Variants in MYLK4 observed in about 807,000 individuals in gnomAD.
MYLK4 encodes myosin light chain kinase family member 4, also known as caMLCK like.
In MYLK4, 46 loss-of-function variants were observed where a neutral mutation model predicts 48.1. That is an observed-to-expected ratio of 0.96 (90% CI 0.75 to 1.22). The LOEUF is 1.22. Ranked by LOEUF, MYLK4 falls within the 50% of genes most tolerant of loss-of-function variation. The pLI is 0.00. For synonymous variants in MYLK4, 170 were observed against 180.8 expected, an observed-to-expected ratio of 0.94 and a Z score of 0.48; for missense variants, 451 against 486.1, an observed-to-expected ratio of 0.93 and a Z score of 0.68.
the MYLK4 span, among the ~76,000 whole-genome samples, chr6:2,762,888 T>TA: frequency 6.6e-6 from 1 of 152,158 alleles, no homozygotes; most frequent in Admixed American, 6.5e-5. Context: ...CTGACTGCCT[T>TA]CAGAAATAAA....
chr6:2,673,255 A>G lies in MYLK4; in HGVS notation c.1119+1792T>C, dbSNP rs1449236336. On this transcript the variant is annotated intron_variant, in intron 11 of 12. Coordinates refer to ENST00000274643, the MANE Select transcript of MYLK4 (RefSeq NM_001012418.5). This position sits in a 1 kb window ranked among gnomAD's most constrained non-coding sequence, Gnocchi z 4.2. ...AAAATTGGCTCAAAATAGGTTAGTAACCCTAATAAGCAGTTTATGTAGTCT... is the reference window on the plus strand; with the variant it reads ...AAAATTGGCTCAAAATAGGTTAGTAGCCCTAATAAGCAGTTTATGTAGTCT... Among the ~76,000 whole-genome samples the G allele has an allele frequency of 6.6e-6, 1 of 152,216 alleles. No homozygotes were observed. Among genetic ancestry groups the G allele is most frequent in the Non-Finnish European group, 1.5e-5 (1 of 68,046 alleles).
intron 11 of MYLK4, 99 bp from the exon 12 acceptor site, chr6:2,671,447 G>GA: frequency 8.8e-7 from 1 of 1,132,638 alleles, no homozygotes; most frequent in Non-Finnish European, 1.3e-6. Flanking sequence ...CTACTGAGGA[G>GA]AAGGTGCTCT....
At chr6:2,697,649 T>A (rs1762114197) in intron 2 of MYLK4, among the ~76,000 whole-genome samples, 1 of 152,152 alleles carries the variant, frequency 6.6e-6, no homozygotes, top group African/African-American at 2.4e-5. Context: ...CTTCTTTCAT[T>A]CCCATTCAAT....
the MYLK4 span, chr6:2,766,420 G>C: frequency 1.4e-5 from 23 of 1,591,882 alleles, no homozygotes; most frequent in South Asian, 2.4e-4. Context: ...CGCTTATCCT[G>C]TGGGGGCCGC....
the MYLK4 span, among the ~76,000 whole-genome samples, chr6:2,763,947 G>C: frequency 6.6e-6 from 1 of 152,126 alleles, no homozygotes; most frequent in Non-Finnish European, 1.5e-5. Flanking sequence ...GGGAGTTCGA[G>C]GAAGAAACCC....
intron 2 of MYLK4, among the ~76,000 whole-genome samples, chr6:2,728,370 T>C (rs1246725152): frequency 2.6e-5 from 4 of 152,152 alleles, no homozygotes; most frequent in Non-Finnish European, 5.9e-5. Context: ...CACTTTTGTG[T>C]CTTTTATTTA....
chr6:2,715,359 T>G (rs933420604), intron 2 of MYLK4, among the ~76,000 whole-genome samples: 4 of 152,180 alleles, frequency 2.6e-5, no homozygotes, highest in Non-Finnish European at 5.9e-5. Context: ...GTGAATGTAC[T>G]TAGCATCATT....
chr6:2,763,007 C>G, the MYLK4 span, among the ~76,000 whole-genome samples: 5 of 152,176 alleles, frequency 3.3e-5, no homozygotes, highest in African/African-American at 1.2e-4. Context: ...CAAAAGAAAG[C>G]CAAGCGGGTC....
chr6:2,690,823 C>CTTTTTTTTTTTTT lies in MYLK4; in HGVS notation c.236-1880_236-1868dup, dbSNP rs35133716. Among the ~76,000 whole-genome samples the CTTTTTTTTTTTTT allele has an allele frequency of 6.8e-5, 6 of 88,834 alleles. 1 individual carries two copies. Among genetic ancestry groups the CTTTTTTTTTTTTT allele is most frequent in the African/African-American group, 1.4e-4 (3 of 21,340 alleles). 58.3% of individuals were successfully genotyped at this position (88,834 alleles called of 152,430 possible). Reference sequence around the variant, plus strand: ...AAAAGAAGCAATAATCTCTCTGAATCTTTTTTTTTTTTTTTTTTTTTTTTG... The same window carrying CTTTTTTTTTTTTT: ...AAAAGAAGCAATAATCTCTCTGAATCTTTTTTTTTTTTTTTTTTTTTTTTTTTTTTTTTTTTTG... On this transcript the variant is annotated intron_variant, in intron 3 of 12. Coordinates refer to ENST00000274643, the MANE Select transcript of MYLK4 (RefSeq NM_001012418.5).
At chr6:2,755,434 A>G (rs2113396673), upstream of MYLK4, among the ~76,000 whole-genome samples, 1 of 152,346 alleles carries the variant, frequency 6.6e-6, no homozygotes, top group East Asian at 1.9e-4. Context: ...GAGAAAAAAG[A>G]CACTTTCTCA....
the MYLK4 span, chr6:2,766,124 G>T: frequency 7.5e-7 from 1 of 1,326,470 alleles, no homozygotes; most frequent in Non-Finnish European, 9.6e-7. Flanking sequence ...GGAGGAGGAG[G>T]CCGTGGGCGA....
At chr6:2,708,198 G>A (rs1050117263) in intron 2 of MYLK4, among the ~76,000 whole-genome samples, 5 of 152,070 alleles carry the variant, frequency 3.3e-5, no homozygotes, top group African/African-American at 1.2e-4. Context: ...AATAAAAGTT[G>A]GGAAAGTTGA....
intron 4 of MYLK4, among the ~76,000 whole-genome samples, 172 bp downstream of exon 4, chr6:2,688,675 TAGTC>T (rs1371190557): frequency 6.6e-6 from 1 of 152,224 alleles, no homozygotes; most frequent in Non-Finnish European, 1.5e-5. Context: ...ATGTGGAGTT[TAGTC>T]ACCACATTAA....
chr6:2,680,562 G>A (rs1761257667), intron 7 of MYLK4: 1 of 985,306 alleles, frequency 1.0e-6, no homozygotes, highest in South Asian at 4.7e-5. Flanking sequence ...CTTGAGGGGA[G>A]CAAGAAAAGG....
At chr6:2,731,541 T>A (rs148191725) in intron 2 of MYLK4, among the ~76,000 whole-genome samples, 23 of 152,288 alleles carry the variant, frequency 1.5e-4, no homozygotes, top group African/African-American at 5.3e-4. Flanking sequence ...CTTCACCTGC[T>A]CAGAGATACC....
intron 2 of MYLK4, among the ~76,000 whole-genome samples, chr6:2,699,384 C>T (rs1405924769): frequency 6.8e-6 from 1 of 146,180 alleles, no homozygotes; most frequent in Non-Finnish European, 1.5e-5. Context: ...CTCCATCTCC[C>T]GAGTTCAAGC....
chr6:2,686,087 A>AG, intron 4 of MYLK4, among the ~76,000 whole-genome samples: 2 of 81,498 alleles, frequency 2.5e-5, no homozygotes, highest in Admixed American at 1.2e-4. Flanking sequence ...AAAAAAGAAG[A>AG]AAGAAAGAAA....
upstream of MYLK4, chr6:2,750,926 G>A (rs116071394): frequency 7.3e-3 from 1,111 of 152,762 alleles, 14 homozygotes; most frequent in Middle Eastern, 0.014. Context: ...TCTCTCAAAT[G>A]CCACTTTCAG....
the MYLK4 span, chr6:2,766,008 C>A: frequency 7.4e-7 from 1 of 1,352,108 alleles, no homozygotes; most frequent in Non-Finnish European, 9.5e-7. Flanking sequence ...TTCCCGGTGG[C>A]CCGCTCCAGC....
Sources: gnomAD v4.1 joint callset for allele counts (sites outside exome capture counted in the v4.1 genomes callset) on GRCh38, gnomAD v4.1.1 for gene constraint, Gnocchi (gnomAD v3.1) non-coding constraint, MANE v1.5 for transcripts, NCBI Gene and HGNC (gene_info 2026-07-23, HGNC 2026-07-21) for gene names.